The following GLIS3 variants were observed in gnomAD, a reference collection of about 807,000 sequenced individuals.
GLIS3 encodes the protein GLIS family zinc finger 3, also known as zinc finger protein GLIS3.
Under a neutral mutation model 78.6 loss-of-function variants are expected in GLIS3, and 53 were observed. The observed-to-expected ratio is 0.67, with a 90% CI of 0.54 to 0.85. The LOEUF (loss-of-function observed/expected upper bound fraction) is 0.85, where lower values mean the gene tolerates loss of function less well. Among genes scored for constraint, GLIS3 ranks in the 40% least tolerant of loss-of-function variants. The pLI, the probability that GLIS3 is intolerant of heterozygous loss-of-function variation, is 0.00. For missense variants in GLIS3, 1,703 were observed against 1,231.1 expected (o/e 1.38, Z -5.74); for synonymous variants, 684 against 509.9 (o/e 1.34, Z -4.60).
intron 8 of GLIS3, among the ~76,000 whole-genome samples, chr9:3,868,705 A>G (rs1820769941): frequency 1.3e-5 from 2 of 152,162 alleles, no homozygotes; most frequent in African/African-American, 4.8e-5. Context: ...CCCAACACAC[A>G]ACTTCTTGTC....
intron 10 of GLIS3, 113 bp downstream of exon 10, chr9:3,829,197 G>T: frequency 2.3e-6 from 2 of 880,876 alleles, no homozygotes; most frequent in Non-Finnish European, 1.9e-6. Context: ...CGTTCAACAG[G>T]ATTTGATGCG....
At chr9:4,383,998 C>T in the GLIS3 span, among the ~76,000 whole-genome samples, 29 of 152,354 alleles carry the variant, frequency 1.9e-4, no homozygotes, top group South Asian at 6.0e-3. Flanking sequence ...ACCCCCACTT[C>T]TCAGGGAGTT....
chr9:4,349,862 C>A (rs978738027), upstream of GLIS3, among the ~76,000 whole-genome samples: 1 of 152,188 alleles, frequency 6.6e-6, no homozygotes, highest in Non-Finnish European at 1.5e-5. Flanking sequence ...TGGTCATTAG[C>A]CTTCAGTTTA....
chr9:4,088,790 T>C (rs893002894), intron 4 of GLIS3, among the ~76,000 whole-genome samples: 1 of 152,248 alleles, frequency 6.6e-6, no homozygotes, highest in Non-Finnish European at 1.5e-5. Context: ...TAGTTTCACA[T>C]TTATGAAGTC....
In GLIS3 at chr9:4,118,800, C is replaced by G; in HGVS notation, c.678G>C (p.Glu226Asp). ...GGAGGGCCCTGTAGCCCTGGGACCACTCCTGCTTCATGCTTGAGGCCGACT... is the reference window on the plus strand; with the variant it reads ...GGAGGGCCCTGTAGCCCTGGGACCAGTCCTGCTTCATGCTTGAGGCCGACT... ...ESQSASSMKQ[E>D]WSQGYRALPS... Residue 226 changes from glutamate to aspartate, a missense_variant, in exon 4 of 11, where the codon GAG (glutamate) becomes GAC (aspartate). Coordinates refer to ENST00000381971, the MANE Select transcript of GLIS3 (RefSeq NM_001042413.2). The surrounding 1 kb of genome is among the most constrained non-coding windows in gnomAD (Gnocchi z 4.7). 1 of 1,610,800 alleles carries G rather than the reference C, an allele frequency of 6.2e-7. No individual in the cohort carries two copies. Among genetic ancestry groups the G allele is most frequent in the Non-Finnish European group, 8.5e-7 (1 of 1,180,004 alleles).
At chr9:3,901,519 T>C (rs10491901) in intron 6 of GLIS3, among the ~76,000 whole-genome samples, 22,275 of 152,200 alleles carry the variant, frequency 0.15, 1,906 homozygotes, top group Non-Finnish European at 0.19. Flanking sequence ...CCACTGGCAA[T>C]GACGATGACC....
chr9:4,161,069 C>A (rs1835432861), intron 2 of GLIS3, among the ~76,000 whole-genome samples: 1 of 127,896 alleles, frequency 7.8e-6, no homozygotes, highest in South Asian at 3.4e-4. Context: ...TGTAGTGAGA[C>A]CCCATCTCTT....
the GLIS3 span, among the ~76,000 whole-genome samples, chr9:4,395,533 G>T: frequency 6.6e-6 from 1 of 152,082 alleles, no homozygotes; most frequent in Middle Eastern, 3.2e-3. Flanking sequence ...TGCAACTCCT[G>T]AGTCATTTTG....
At chr9:4,156,645 A>G (rs1835060335) in intron 2 of GLIS3, among the ~76,000 whole-genome samples, 1 of 152,184 alleles carries the variant, frequency 6.6e-6, no homozygotes, top group African/African-American at 2.4e-5. Context: ...TCAGAGTTTC[A>G]TTCCTTTGGT....
intron 2 of GLIS3, among the ~76,000 whole-genome samples, chr9:4,127,825 G>T (rs1832689046): frequency 6.6e-6 from 1 of 152,142 alleles, no homozygotes; most frequent in Non-Finnish European, 1.5e-5. Context: ...GTCATTCCAT[G>T]CCTATTTCCT....
Position 3,954,059 on chromosome 9 carries a change from C to G in GLIS3, c.1711-16870G>C, listed in dbSNP as rs530725125. Among the ~76,000 whole-genome samples the G allele has an allele frequency of 2.2e-3, 334 of 152,246 alleles. 3 individuals are homozygous for G. In the South Asian group the frequency reaches 0.029, roughly 13 times the overall value. ...AAGGAAATGTAAAATGTGTTTCACA[C>G]ATATATTTAACACTAATCTGTTCTC... is the stretch of plus-strand genomic sequence containing the variant. On this transcript the variant is annotated intron_variant, in intron 4 of 10. Coordinates refer to ENST00000381971, the MANE Select transcript of GLIS3 (RefSeq NM_001042413.2).
intron 2 of GLIS3, among the ~76,000 whole-genome samples, chr9:4,207,976 G>A (rs544594749): frequency 4.6e-5 from 7 of 152,228 alleles, no homozygotes; most frequent in South Asian, 2.1e-4. Context: ...TGGGGGTAGC[G>A]GTGTGCTTTA....
At chr9:4,270,240 C>T (rs1272301008) in intron 2 of GLIS3, among the ~76,000 whole-genome samples, 1 of 152,208 alleles carries the variant, frequency 6.6e-6, no homozygotes, top group Non-Finnish European at 1.5e-5. Context: ...TTACTTCCTG[C>T]CTTCCTGCTC....
upstream of GLIS3, among the ~76,000 whole-genome samples, chr9:4,348,709 A>C (rs1817925819): frequency 6.6e-6 from 1 of 152,226 alleles, no homozygotes; most frequent in Non-Finnish European, 1.5e-5. Flanking sequence ...AATATGGTAA[A>C]TATGCGGTCA....
chr9:4,239,258 G>A (rs982272353), intron 2 of GLIS3, among the ~76,000 whole-genome samples: 40 of 151,078 alleles, frequency 2.6e-4, no homozygotes, highest in Non-Finnish European at 3.4e-4. Context: ...CATGGCACAT[G>A]TATACATATG....
the GLIS3 span, among the ~76,000 whole-genome samples, chr9:4,370,501 T>C: frequency 2.6e-5 from 4 of 152,166 alleles, no homozygotes; most frequent in African/African-American, 7.2e-5. Flanking sequence ...TCCTTCATTA[T>C]TCCAAATTGT....
Position 4,159,030 on chromosome 9 carries a change from G to GAAAAAAAA in GLIS3, c.389-33090_389-33089insTTTTTTTT, listed in dbSNP as rs141412126. Among the ~76,000 whole-genome samples the GAAAAAAAA allele has an allele frequency of 1.5e-3, 119 of 79,068 alleles. 31 individuals carry two copies. Among genetic ancestry groups the GAAAAAAAA allele is most frequent in the African/African-American group, 1.6e-3 (33 of 20,594 alleles). 51.9% of individuals were successfully genotyped at this position (79,068 alleles called of 152,430 possible). ...GCTTGGTATGCTAGAGAAAGGAGAA[G>GAAAAAAAA]AAGAAAAAAAAAAAAAAAAGCCAGG... is the stretch of plus-strand genomic sequence containing the variant. On this transcript the variant is annotated intron_variant, in intron 2 of 10. Coordinates refer to ENST00000381971, the MANE Select transcript of GLIS3 (RefSeq NM_001042413.2).
chr9:3,955,265 T>A (rs1319680900), intron 4 of GLIS3, among the ~76,000 whole-genome samples: 1 of 152,226 alleles, frequency 6.6e-6, no homozygotes, highest in Non-Finnish European at 1.5e-5. Context: ...GTTCTGCCTA[T>A]CTCTGTTAAG....
chr9:4,277,125 C>G (rs552110203), intron 2 of GLIS3, among the ~76,000 whole-genome samples: 3 of 152,164 alleles, frequency 2.0e-5, no homozygotes, highest in African/African-American at 4.8e-5. Flanking sequence ...CCACTATTAT[C>G]CCAGTTCTAA....
Sources: allele counts gnomAD v4.1 joint callset (sites outside exome capture counted in the v4.1 genomes callset), GRCh38; gene constraint gnomAD v4.1.1; non-coding constraint Gnocchi (gnomAD v3.1); transcripts MANE v1.5; gene names NCBI Gene and HGNC (gene_info 2026-07-23, HGNC 2026-07-21).